The following DBN1 variants were observed in gnomAD, a reference collection of about 807,000 sequenced individuals.
DBN1 encodes the protein drebrin.
In DBN1, 21 loss-of-function variants were observed where a neutral mutation model predicts 83.5. The observed-to-expected ratio is 0.25, with a 90% CI of 0.18 to 0.36. The LOEUF is 0.36. Among genes scored for constraint, DBN1 ranks in the 10% least tolerant of loss-of-function variants. DBN1 has a pLI of 1.00. For synonymous variants in DBN1, 381 were observed against 384.9 expected (o/e 0.99, Z 0.12); for missense variants, 874 against 935.7 (o/e 0.93, Z 0.86).
At chr5:177,458,728 G>T in intron 12 of DBN1, 21 bp from the exon 13 acceptor site, 4 of 1,493,946 alleles carry the variant, frequency 2.7e-6, no homozygotes, top group Non-Finnish European at 3.5e-6. Flanking sequence ...ACAGGCAGAG[G>T]AGATATGTAA....
intron 8 of DBN1, among the ~76,000 whole-genome samples, chr5:177,465,131 C>T (rs1385809670): frequency 2.0e-5 from 3 of 151,798 alleles, no homozygotes; most frequent in Non-Finnish European, 2.9e-5. Context: ...CCGGCCTGGG[C>T]GACAGAGCGA....
chr5:177,470,748 G>T (rs1433203897), intron 1 of DBN1, among the ~76,000 whole-genome samples: 1 of 152,158 alleles, frequency 6.6e-6, no homozygotes, highest in Non-Finnish European at 1.5e-5. Flanking sequence ...AGCCTCTCCT[G>T]AGCTGCCCCT....
In DBN1 at chr5:177,458,155, G is replaced by A; in HGVS notation, c.1817C>T (p.Pro606Leu). Residue 606 changes from proline (P) to leucine (L), a missense_variant, in exon 13 of 15, where the codon CCA (proline) becomes CTA (leucine). Physicochemically the swap from Pro to Leu is moderately conservative, Grantham distance 98. Around this residue, in one of 4 missense-constraint regions of DBN1, gnomAD observed 725 missense variants for 719.7 expected, o/e 1.01. Transcript: ENST00000393565. ...EGESLAAPQT[P>L]TLPSALEELE... is the part of the protein sequence containing the mutation. ...CTCCTCAAGGGCTGAGGGCAGAGTTGGGGTCTGGGGGGCAGCCAGGGACTC... is the reference window on the plus strand; with the variant it reads ...CTCCTCAAGGGCTGAGGGCAGAGTTAGGGTCTGGGGGGCAGCCAGGGACTC... 1.2e-6 allele frequency: 2 copies of A among 1,613,062 alleles called. No individual in the cohort carries two copies. The highest frequency in any genetic ancestry group is 1.7e-6 in the Non-Finnish European group (2 of 1,179,732).
chr5:177,462,899 C>T (rs1378991834), intron 8 of DBN1, among the ~76,000 whole-genome samples: 1 of 152,178 alleles, frequency 6.6e-6, no homozygotes, highest in Non-Finnish European at 1.5e-5. Context: ...CCTCAGCCCA[C>T]GGGGTTCCAG....
chr5:177,470,716 G>A (rs1299864303), intron 1 of DBN1, among the ~76,000 whole-genome samples: 1 of 152,172 alleles, frequency 6.6e-6, no homozygotes. Context: ...CCGTTCTTCA[G>A]AGCCCAGTGC....
At chr5:177,473,302 C>T (rs1757983831) in intron 1 of DBN1, 134 bp downstream of exon 1, 3 of 449,328 alleles carry the variant, frequency 6.7e-6, no homozygotes, top group East Asian at 7.8e-5. Flanking sequence ...CAGCCCCTCC[C>T]GGCCCTCCCG....
intron 8 of DBN1, among the ~76,000 whole-genome samples, chr5:177,461,699 G>A (rs1581721528): frequency 1.3e-5 from 2 of 152,102 alleles, no homozygotes; most frequent in African/African-American, 4.8e-5. Context: ...TGCCTGGACC[G>A]TGGCATCATG....
chr5:177,466,968 T>C lies in DBN1; in HGVS notation c.650A>G (p.Glu217Gly), dbSNP rs902809899. ...EQERMEQERQ[E>G]QEERERRYRE... ...GTAGCGCCGCTCGCGCTCCTCTTGC[T>C]CCTGCCGCTCCTGCTCCATCCGCTC... Residue 217 changes from glutamate to glycine, a missense_variant, in exon 7 of 15, where the codon GAG (glutamate) becomes GGG (glycine). By Grantham distance (98) the Glu-to-Gly change is moderately conservative. Coordinates refer to ENST00000393565, the MANE Select transcript of DBN1 (RefSeq NM_001363541.2). The surrounding 1 kb of genome is among the most constrained non-coding windows in gnomAD (Gnocchi z 4.8). 3.1e-6 allele frequency: 5 copies of C among 1,613,120 alleles called. No homozygotes were observed. The highest frequency in any genetic ancestry group is 3.4e-6 in the Non-Finnish European group (4 of 1,179,864).
chr5:177,460,855 C>G (rs1405570472), intron 8 of DBN1, 152 bp from the exon 9 acceptor site: 2 of 732,000 alleles, frequency 2.7e-6, no homozygotes, highest in South Asian at 1.8e-5. Context: ...TCACGGCTCA[C>G]TGCAGCCTCT....
At position 177,460,565 on chromosome 5, in the gene DBN1, C is replaced by T. The variant is rs759059106; in HGVS notation, c.832-10G>A. On this transcript the variant is annotated splice_polypyrimidine_tract_variant and intron_variant, in intron 9 of 14. Coordinates refer to ENST00000393565, the MANE Select transcript of DBN1 (RefSeq NM_001363541.2). ...TAATAGCTGCTGCCTCCTGAGGGCACGAGGAAAAGGTTGGGGCTGGGCCAG... is the reference window on the plus strand; with the variant it reads ...TAATAGCTGCTGCCTCCTGAGGGCATGAGGAAAAGGTTGGGGCTGGGCCAG... 2.1e-5 allele frequency: 34 copies of T among 1,614,014 alleles called. 1 individual carries two copies. The East Asian group carries it at 2.7e-4, about 13-fold the overall frequency.
rs561087094 is a variant in DBN1, at chr5:177,460,467, C to T, written c.920G>A (p.Ser307Asn). Residue 307 changes from serine (S) to asparagine (N), a missense_variant, in exon 10 of 15, where the codon AGC (serine) becomes AAC (asparagine). By Grantham distance (46) the Ser-to-Asn change is conservative. Transcript: ENST00000393565. Reference protein sequence around the residue: ...QERVASASAGSCDVPSPFNHR... With the variant: ...QERVASASAGNCDVPSPFNHR... ...GTTGAAGGGCGAGGGTACATCACAG[C>T]TGCCCGCAGAGGCCGATGCGACTCT... is the stretch of plus-strand genomic sequence containing the variant. 6.2e-7 allele frequency: 1 copy of T among 1,614,146 alleles called. No individual in the cohort carries two copies. Among genetic ancestry groups the T allele is most frequent in the Admixed American group, 1.7e-5 (1 of 60,034 alleles).
chr5:177,457,324 AGT>A lies in DBN1; in HGVS notation c.*107_*108del, dbSNP rs1389866090. On this transcript the variant is annotated 3_prime_UTR_variant, in exon 15 of 15. Transcript: ENST00000393565. The stretch of plus-strand genomic sequence containing the variant: ...GTCCCCAGCCAGGGCCGGAATCCGG[AGT>A]GGGTGCCAGGCGGAGCTGCTGCGAA... 2.2e-6 allele frequency: 2 copies of A among 889,776 alleles called. No homozygotes were observed. Among genetic ancestry groups the A allele is most frequent in the African/African-American group, 3.3e-5 (2 of 60,962 alleles). The allele number at this position is 889,776 out of a possible 1,614,324, so 55.1% of individuals were successfully genotyped here.
chr5:177,471,707 C>G (rs1432131650), intron 1 of DBN1, among the ~76,000 whole-genome samples: 2 of 152,180 alleles, frequency 1.3e-5, no homozygotes, highest in East Asian at 3.9e-4. Flanking sequence ...ATGTGTGCAT[C>G]TGTGTGTGTC....
chr5:177,466,849 C>G lies in DBN1; in HGVS notation c.708-14G>C, dbSNP rs772328732. 1 of 1,613,986 alleles carries G rather than the reference C, an allele frequency of 6.2e-7. No individual in the cohort carries two copies. The highest frequency in any genetic ancestry group is 1.3e-5 in the African/African-American group (1 of 74,926). ...TGCTGTTTCCTCCTGGAACGATAAG[C>G]AGCCAGCACCCGTCAGGGTGCGCCC... is the stretch of plus-strand genomic sequence containing the variant. On this transcript the variant is annotated splice_polypyrimidine_tract_variant and intron_variant, in intron 7 of 14. Coordinates refer to ENST00000393565, the MANE Select transcript of DBN1 (RefSeq NM_001363541.2). This position sits in a 1 kb window ranked among gnomAD's most constrained non-coding sequence, Gnocchi z 4.8.
chr5:177,465,706 T>G (rs1021735419), intron 8 of DBN1, among the ~76,000 whole-genome samples: 1 of 151,832 alleles, frequency 6.6e-6, no homozygotes, highest in Non-Finnish European at 1.5e-5. Context: ...AACACAAAAA[T>G]TAGCTAGGCA....
At position 177,472,806 on chromosome 5, in the gene DBN1, G is replaced by A. The variant is rs1757945933; in HGVS notation, c.86+630C>T. On this transcript the variant is annotated intron_variant, in intron 1 of 14. Coordinates refer to ENST00000393565, the MANE Select transcript of DBN1 (RefSeq NM_001363541.2). Reference sequence around the variant, plus strand: ...CCTCCTCCGCGACCCGCGGCGGTAAGGGAGTCACTTCGCGGTCGCCATGTG... The same window carrying A: ...CCTCCTCCGCGACCCGCGGCGGTAAAGGAGTCACTTCGCGGTCGCCATGTG... 3.0e-6 allele frequency: 3 copies of A among 986,296 alleles called. No homozygotes were observed. The Admixed American group carries it at 1.8e-4, about 61-fold the overall frequency. The allele number at this position is 986,296 out of a possible 1,614,324, so 61.1% of individuals were successfully genotyped here. A position where few individuals can be genotyped will look rare whatever the true frequency, so the allele number is the denominator to read the frequency against.
intron 1 of DBN1, 126 bp from the exon 2 acceptor site, chr5:177,469,025 T>C (rs1458826359): frequency 1.9e-6 from 1 of 517,728 alleles, no homozygotes; most frequent in Non-Finnish European, 3.3e-6. Context: ...GCTCCTGCTG[T>C]AGCCATGACA....
At chr5:177,472,922 C>A (rs1210570067) in intron 1 of DBN1, 2 of 785,054 alleles carry the variant, frequency 2.5e-6, no homozygotes, top group East Asian at 2.5e-4. Context: ...GGGCGCCCGG[C>A]CCCCAGCCCG....
chr5:177,471,571 C>T (rs1362601971), intron 1 of DBN1, among the ~76,000 whole-genome samples: 1 of 152,112 alleles, frequency 6.6e-6, no homozygotes, highest in African/African-American at 2.4e-5. Flanking sequence ...GACCTCACTG[C>T]ACCCCTGGTT....
Sources: gnomAD v4.1 joint callset for allele counts (sites outside exome capture counted in the v4.1 genomes callset) on GRCh38, gnomAD v4.1.1 for gene constraint, gnomAD v4.1.1 regional missense constraint, Gnocchi (gnomAD v3.1) non-coding constraint, MANE v1.5 for transcripts, NCBI Gene and HGNC (gene_info 2026-07-23, HGNC 2026-07-21) for gene names.